Variants in CALB2 observed in about 807,000 individuals in gnomAD.
The protein encoded by CALB2 is calretinin.
Under a neutral mutation model 45.9 loss-of-function variants are expected in CALB2, and 34 were observed. That is an observed-to-expected ratio of 0.74 (90% CI 0.56 to 0.99). The LOEUF is 0.99. Ranked by LOEUF, CALB2 falls within the 50% of genes least tolerant of loss-of-function variation. CALB2 has a pLI of 0.00. For missense variants in CALB2, 344 were observed against 339.3 expected, an observed-to-expected ratio of 1.01 and a Z score of -0.11; for synonymous variants, 142 against 129.6, an observed-to-expected ratio of 1.10 and a Z score of -0.65.
At chr16:71,369,649 C>T (rs757024823) in intron 1 of CALB2, among the ~76,000 whole-genome samples, 2 of 152,206 alleles carry the variant, frequency 1.3e-5, no homozygotes, top group Non-Finnish European at 2.9e-5. Context: ...TTCACTGAAC[C>T]ATGACACGCA....
Position 71,382,910 on chromosome 16 carries a change from T to TG in CALB2, c.399+137dup, listed in dbSNP as rs1163116218. On this transcript the variant is annotated intron_variant, in intron 5 of 10. Transcript: ENST00000302628. ...ATACTCAGACCTGGCACTGAATTGT[T>TG]GGACTTGTTTAGAGAAGTCAGGGGA... The TG allele has an allele frequency of 3.9e-6, 3 of 764,426 alleles. No individual in the cohort carries two copies. The East Asian group carries it at 7.8e-5, about 20-fold the overall frequency. The allele number at this position is 764,426 out of a possible 1,614,324, so 47.4% of individuals were successfully genotyped here.
intron 1 of CALB2, 64 bp from the exon 2 acceptor site, chr16:71,372,089 T>G: frequency 1.5e-5 from 17 of 1,109,412 alleles, no homozygotes; most frequent in East Asian, 5.1e-5. Flanking sequence ...GCCCCCGACA[T>G]GCCCACCCCG....
intron 2 of CALB2, 88 bp from the exon 3 acceptor site, chr16:71,374,657 A>T (rs946493670): frequency 1.7e-5 from 15 of 871,798 alleles, no homozygotes; most frequent in Non-Finnish European, 2.7e-5. Context: ...CTTACCCAGG[A>T]TGCAAATGAT....
Position 71,389,842 on chromosome 16 carries a change from C to T in CALB2, c.793C>T (p.Leu265Phe), listed in dbSNP as rs767492769. ...KLYRKDLEIV[L>F]CSEPPM ...CTACCGCAAGGACCTGGAGATTGTG[C>T]TCTGCAGCGAGCCCCCCATGTAAAG... is the stretch of plus-strand genomic sequence containing the variant. The change falls in exon 11 of 11, where the codon CTC becomes TTC. Residue 265 changes from leucine to phenylalanine, a missense_variant. Leu to Phe is a conservative substitution (Grantham distance 22). Transcript: ENST00000302628. The T allele has an allele frequency of 6.2e-7, 1 of 1,613,496 alleles. No homozygotes were observed. Among genetic ancestry groups the T allele is most frequent in the East Asian group, 2.2e-5 (1 of 44,870 alleles).
chr16:71,378,596 A>C (rs570480447), intron 4 of CALB2, among the ~76,000 whole-genome samples: 9 of 152,294 alleles, frequency 5.9e-5, no homozygotes, highest in African/African-American at 2.2e-4. Context: ...AGTGACTCAG[A>C]AGCTCCATTT....
At position 71,389,817 on chromosome 16, in the gene CALB2, C is replaced by T. The variant is rs1298158768; in HGVS notation, c.768C>T (p.Leu256=). The part of the protein sequence containing the change: ...SVMSLAEAGK[L]YRKDLEIVLC... The stretch of plus-strand genomic sequence containing the variant: ...TGTCCTTGGCAGAGGCAGGGAAGCT[C>T]TACCGCAAGGACCTGGAGATTGTGC... Residue 256 remains leucine, a synonymous_variant, in exon 11 of 11, where the codon CTC becomes CTT. Coordinates refer to ENST00000302628, the MANE Select transcript of CALB2 (RefSeq NM_001740.5). The T allele has an allele frequency of 1.8e-5, 29 of 1,613,970 alleles. No homozygotes were observed. Among genetic ancestry groups the T allele is most frequent in the Non-Finnish European group, 2.5e-5 (29 of 1,180,020 alleles).
At chr16:71,383,222 TTA>T (rs1485207798) in intron 5 of CALB2, 143 bp from the exon 6 acceptor site, 1 of 778,142 alleles carries the variant, frequency 1.3e-6, no homozygotes, top group African/African-American at 1.8e-5. Context: ...GAGTTAGGAA[TTA>T]TGAGGGCCCT....
chr16:71,367,673 C>A (rs189144914), intron 1 of CALB2, among the ~76,000 whole-genome samples: 1 of 152,254 alleles, frequency 6.6e-6, no homozygotes, highest in Non-Finnish European at 1.5e-5. Flanking sequence ...GGAAATGGGC[C>A]CACATCTAAA....
intron 1 of CALB2, among the ~76,000 whole-genome samples, chr16:71,371,267 C>G (rs2042347146): frequency 6.6e-6 from 1 of 152,158 alleles, no homozygotes. Flanking sequence ...TACCCTTGAT[C>G]CCTGTGACCA....
intron 1 of CALB2, among the ~76,000 whole-genome samples, chr16:71,362,504 C>T (rs549754127): frequency 3.3e-5 from 5 of 152,116 alleles, no homozygotes; most frequent in Admixed American, 1.3e-4. Context: ...CAGTGTTCTT[C>T]GGAAATACTA....
At chr16:71,372,064 G>A (rs891289715) in intron 1 of CALB2, 89 bp from the exon 2 acceptor site, 157 of 916,260 alleles carry the variant, frequency 1.7e-4, no homozygotes, top group Middle Eastern at 1.1e-3. Context: ...GCTGGGAGAA[G>A]ACATTCTCCA....
chr16:71,367,597 T>C (rs1423881240), intron 1 of CALB2, among the ~76,000 whole-genome samples: 1 of 152,142 alleles, frequency 6.6e-6, no homozygotes, highest in African/African-American at 2.4e-5. Context: ...CTCTCCTGTG[T>C]TCCTCACTGT....
At chr16:71,363,705 C>T (rs1332678464) in intron 1 of CALB2, among the ~76,000 whole-genome samples, 1 of 152,118 alleles carries the variant, frequency 6.6e-6, no homozygotes, top group Non-Finnish European at 1.5e-5. Flanking sequence ...TCCTGCAATA[C>T]CAAAGTGAAA....
rs761412147 is a variant in CALB2, at chr16:71,372,135, TTCTC to T, written c.95-12_95-9del. On this transcript the variant is annotated splice_polypyrimidine_tract_variant and intron_variant, in intron 1 of 10. Transcript: ENST00000302628. ...ACTATTTAGTGCTGAGATTGATTTTTTCTCTCTCTTTTTACAGGAAATGGGTATA... is the reference window on the plus strand; with the variant it reads ...ACTATTTAGTGCTGAGATTGATTTTTTCTCTTTTTACAGGAAATGGGTATA... The T allele has an allele frequency of 1.3e-5, 20 of 1,577,018 alleles. No homozygotes were observed. The highest frequency in any genetic ancestry group is 1.7e-4 in the Middle Eastern group (1 of 5,998).
chr16:71,383,330 C>G, intron 5 of CALB2, 37 bp from the exon 6 acceptor site: 1 of 1,583,042 alleles, frequency 6.3e-7, no homozygotes, highest in Non-Finnish European at 8.7e-7. Context: ...ACCGAATGCA[C>G]GAGTCAGGAG....
At chr16:71,387,159 CAG>C (rs2042579779) in intron 10 of CALB2, among the ~76,000 whole-genome samples, 1 of 152,214 alleles carries the variant, frequency 6.6e-6, no homozygotes, top group South Asian at 2.1e-4. Context: ...CATTAAATCT[CAG>C]AGTGACCTGA....
At position 71,390,058 on chromosome 16, in the gene CALB2, C is replaced by G. The variant is rs966240239; in HGVS notation, c.*193C>G. The G allele has an allele frequency of 1.6e-5, 9 of 580,380 alleles. No homozygotes were observed. In the Admixed American group the frequency reaches 2.4e-4, roughly 16 times the overall value. The allele number at this position is 580,380 out of a possible 1,614,324, so 36.0% of individuals were successfully genotyped here. On this transcript the variant is annotated 3_prime_UTR_variant, in exon 11 of 11. Transcript: ENST00000302628. ...TGTCCTGAGCCCCCTGCACCCACCC[C>G]TGCCCAGGCAGTCTTTGCTCAGTGG...
At chr16:71,377,152 C>T (rs980628736) in intron 3 of CALB2, among the ~76,000 whole-genome samples, 5 of 152,102 alleles carry the variant, frequency 3.3e-5, no homozygotes, top group Non-Finnish European at 4.4e-5. Flanking sequence ...TTTCAAAAAT[C>T]GAATTATTGC....
chr16:71,377,637 A>G (rs1351928779), intron 3 of CALB2, 30 bp from the exon 4 acceptor site: 1 of 1,536,204 alleles, frequency 6.5e-7, no homozygotes, highest in South Asian at 1.1e-5. Flanking sequence ...TCCCTCCATA[A>G]CGTTAGTGTC....
Sources: gnomAD v4.1 joint callset for allele counts (sites outside exome capture counted in the v4.1 genomes callset) on GRCh38, gnomAD v4.1.1 for gene constraint, MANE v1.5 for transcripts, NCBI Gene and HGNC (gene_info 2026-07-23, HGNC 2026-07-21) for gene names.